The following ERC2 variants were observed in gnomAD, a reference collection of about 807,000 sequenced individuals.
The protein encoded by ERC2 is ELKS/RAB6-interacting/CAST family member 2.
In ERC2, 42 loss-of-function variants were observed where a neutral mutation model predicts 114.8. That is an observed-to-expected ratio of 0.37 (90% confidence interval 0.29 to 0.47). The LOEUF (loss-of-function observed/expected upper bound fraction) is 0.47, where lower values mean the gene tolerates loss of function less well. Among genes scored for constraint, ERC2 ranks in the 20% least tolerant of loss-of-function variants. The pLI is 0.99. For synonymous variants in ERC2, 454 were observed against 425.5 expected (o/e 1.07, Z -0.82); for missense variants, 939 against 1,150.7 (o/e 0.82, Z 2.66).
intron 14 of ERC2, among the ~76,000 whole-genome samples, chr3:55,802,498 A>G (rs2059339170): frequency 6.6e-6 from 1 of 152,226 alleles, no homozygotes; most frequent in Non-Finnish European, 1.5e-5. Flanking sequence ...CTTGACAAAT[A>G]TTTTGATTTT....
At chr3:55,910,240 A>G (rs141474788) in intron 13 of ERC2, among the ~76,000 whole-genome samples, 90 of 152,076 alleles carry the variant, frequency 5.9e-4, no homozygotes, top group Non-Finnish European at 1.1e-3. Flanking sequence ...AAAATACAAA[A>G]AAAATAGCTG....
intron 13 of ERC2, among the ~76,000 whole-genome samples, chr3:55,937,654 A>G (rs1282216385): frequency 6.6e-6 from 1 of 152,234 alleles, no homozygotes; most frequent in Non-Finnish European, 1.5e-5. Context: ...ATGAAATACA[A>G]GAGTAAAAAA....
At chr3:56,461,652 A>T (rs2063323851) in intron 1 of ERC2, among the ~76,000 whole-genome samples, 1 of 152,238 alleles carries the variant, frequency 6.6e-6, no homozygotes, top group Non-Finnish European at 1.5e-5. Flanking sequence ...GATGATGCAC[A>T]AATAAAACAT....
At chr3:55,788,574 GA>G (rs141956124) in intron 14 of ERC2, among the ~76,000 whole-genome samples, 288 of 152,256 alleles carry the variant, frequency 1.9e-3, no homozygotes, top group African/African-American at 6.8e-3. Context: ...GGATGATATA[GA>G]GGCAGCAATG....
chr3:55,713,422 G>A (rs1263795558), intron 15 of ERC2, among the ~76,000 whole-genome samples: 3 of 151,922 alleles, frequency 2.0e-5, no homozygotes, highest in Non-Finnish European at 4.4e-5. Context: ...TCACCATGTT[G>A]GCCAGGCTGG....
chr3:55,573,540 C>T (rs1185402130), intron 17 of ERC2, among the ~76,000 whole-genome samples: 1 of 152,130 alleles, frequency 6.6e-6, no homozygotes, highest in Non-Finnish European at 1.5e-5. Context: ...TGGAGGCAGG[C>T]CCTGATCAAG....
At chr3:56,227,443 C>A (rs1575951444) in intron 3 of ERC2, among the ~76,000 whole-genome samples, 1 of 151,320 alleles carries the variant, frequency 6.6e-6, no homozygotes, top group African/African-American at 2.4e-5. Context: ...AAAAAAAATC[C>A]CTTTAGCATG....
At chr3:56,281,436 C>CAA (rs71099629) in intron 3 of ERC2, among the ~76,000 whole-genome samples, 12,501 of 47,458 alleles carry the variant, frequency 0.26, 3,473 homozygotes, top group Non-Finnish European at 0.31. Context: ...GACTCCGTCT[C>CAA]AAAAAAAAAA....
intron 1 of ERC2, among the ~76,000 whole-genome samples, chr3:56,442,573 C>A (rs531512889): frequency 2.0e-5 from 3 of 152,082 alleles, no homozygotes; most frequent in Non-Finnish European, 2.9e-5. Context: ...GGCTTTAGAC[C>A]AGTACTTCCT....
chr3:56,319,681 CA>C (rs1194781330), intron 2 of ERC2, among the ~76,000 whole-genome samples: 1 of 152,014 alleles, frequency 6.6e-6, no homozygotes, highest in Non-Finnish European at 1.5e-5. Flanking sequence ...CTGACAAAAA[CA>C]AACACAAGCC....
Position 55,789,526 on chromosome 3 carries a change from G to A in ERC2, c.2565-54608C>T, listed in dbSNP as rs370905113. ...AACACTGATGCATAGAGAGATTACCGATGCAGACAAGAAACCCAATACATA... is the reference window on the plus strand; with the variant it reads ...AACACTGATGCATAGAGAGATTACCAATGCAGACAAGAAACCCAATACATA... On this transcript the variant is annotated intron_variant, in intron 14 of 17. Transcript: ENST00000288221. 7.2e-5 allele frequency among the ~76,000 whole-genome samples: 11 copies of A among 152,294 alleles called. No individual in the cohort carries two copies. The South Asian group carries it at 8.3e-4, about 11-fold the overall frequency.
At chr3:55,913,716 C>G (rs969396045) in intron 13 of ERC2, among the ~76,000 whole-genome samples, 1 of 152,164 alleles carries the variant, frequency 6.6e-6, no homozygotes, top group African/African-American at 2.4e-5. Flanking sequence ...GATGGGGACA[C>G]AAGACTTGAC....
At chr3:56,461,647 T>G (rs2063323447) in intron 1 of ERC2, among the ~76,000 whole-genome samples, 1 of 152,210 alleles carries the variant, frequency 6.6e-6, no homozygotes, top group Non-Finnish European at 1.5e-5. Context: ...TTAAAGATGA[T>G]GCACAAATAA....
At chr3:55,726,919 A>C (rs962595011) in intron 15 of ERC2, among the ~76,000 whole-genome samples, 6 of 152,232 alleles carry the variant, frequency 3.9e-5, no homozygotes, top group African/African-American at 1.4e-4. Context: ...TCTCAAAAAT[A>C]GTCTAACTAG....
At chr3:55,854,002 C>T (rs78589364) in intron 14 of ERC2, among the ~76,000 whole-genome samples, 2,383 of 152,248 alleles carry the variant, frequency 0.016, 61 homozygotes, top group African/African-American at 0.055. Context: ...AGGCCCAGCG[C>T]GGCGGCTCAC....
intron 14 of ERC2, among the ~76,000 whole-genome samples, chr3:55,822,056 G>T (rs376226440): frequency 2.0e-5 from 3 of 152,104 alleles, no homozygotes; most frequent in East Asian, 1.9e-4. Context: ...TTCTGAGAGG[G>T]TGTAAAGGAT....
chr3:56,213,541 T>C (rs1457548240), intron 3 of ERC2, among the ~76,000 whole-genome samples: 39 of 152,154 alleles, frequency 2.6e-4, no homozygotes, highest in Admixed American at 2.6e-3. Flanking sequence ...GTGGAGCCCA[T>C]CCCAGCTCAA....
intron 13 of ERC2, among the ~76,000 whole-genome samples, chr3:55,913,068 C>T (rs2064900421): frequency 6.6e-6 from 1 of 152,150 alleles, no homozygotes; most frequent in South Asian, 2.1e-4. Context: ...TCACTGCAGC[C>T]TTGAACTCCT....
chr3:56,393,152 C>T (rs562980929), intron 2 of ERC2, among the ~76,000 whole-genome samples: 9 of 152,342 alleles, frequency 5.9e-5, no homozygotes, highest in Admixed American at 2.6e-4. Context: ...AATCCCAGCA[C>T]TTTGGGAGGC....
Sources: gnomAD v4.1 joint callset for allele counts (sites outside exome capture counted in the v4.1 genomes callset) on GRCh38, gnomAD v4.1.1 for gene constraint, MANE v1.5 for transcripts, NCBI Gene and HGNC (gene_info 2026-07-23, HGNC 2026-07-21) for gene names.